Variants in EYS observed in about 807,000 individuals in gnomAD.
EYS encodes the protein EGF-like photoreceptor maintenance factor, also known as protein eyes shut homolog.
In EYS, 250 loss-of-function variants were observed where a neutral mutation model predicts 282.1. The ratio of observed to expected loss-of-function variants is 0.89; its 90% confidence interval spans 0.80 to 0.98. EYS has a LOEUF of 0.98. Among genes scored for constraint, EYS ranks in the 50% least tolerant of loss-of-function variants. The pLI, the probability that EYS is intolerant of heterozygous loss-of-function variation, is 0.00. For missense variants in EYS, 4,016 were observed against 3,709.0 expected, an observed-to-expected ratio of 1.08 and a Z score of -2.15; for synonymous variants, 1,355 against 1,282.9, an observed-to-expected ratio of 1.06 and a Z score of -1.20.
chr6:65,284,842 G>C (rs1252963122), intron 12 of EYS, among the ~76,000 whole-genome samples: 1 of 151,960 alleles, frequency 6.6e-6, no homozygotes, highest in Non-Finnish European at 1.5e-5. Context: ...GAAGCAATAA[G>C]CTTAGATCAT....
chr6:65,320,882 C>A (rs1769456357), intron 11 of EYS, among the ~76,000 whole-genome samples: 1 of 152,172 alleles, frequency 6.6e-6, no homozygotes, highest in Non-Finnish European at 1.5e-5. Context: ...GCCATGTTCA[C>A]CCTAAGTGAG....
At chr6:63,981,241 T>C (rs1767075709) in intron 35 of EYS, among the ~76,000 whole-genome samples, 1 of 151,714 alleles carries the variant, frequency 6.6e-6, no homozygotes, top group Admixed American at 6.6e-5. Flanking sequence ...GCTGTAGGGT[T>C]GGGTATTGGT....
intron 30 of EYS, among the ~76,000 whole-genome samples, chr6:64,271,774 C>T (rs1223886335): frequency 6.6e-6 from 1 of 151,910 alleles, no homozygotes; most frequent in Non-Finnish European, 1.5e-5. Context: ...GTATGTCCGT[C>T]TGTTGTTCCA....
intron 12 of EYS, among the ~76,000 whole-genome samples, chr6:65,109,862 A>G (rs1775161606): frequency 6.6e-6 from 1 of 152,090 alleles, no homozygotes; most frequent in South Asian, 2.1e-4. Flanking sequence ...TGCTTATTGT[A>G]TTATATACGT....
intron 8 of EYS, 45 bp from the exon 9 acceptor site, chr6:65,353,662 T>C (rs761420893): frequency 2.0e-6 from 3 of 1,511,452 alleles, no homozygotes; most frequent in Non-Finnish European, 2.7e-6. Flanking sequence ...TTTTTTGATA[T>C]ATTTTTCAAT....
chr6:65,050,487 A>G (rs899293869), intron 13 of EYS, among the ~76,000 whole-genome samples: 12 of 151,634 alleles, frequency 7.9e-5, no homozygotes, highest in Non-Finnish European at 1.2e-4. Flanking sequence ...CTCCTCCAAA[A>G]TAATACTCAT....
chr6:64,616,377 C>G (rs1767275888), intron 24 of EYS, among the ~76,000 whole-genome samples: 1 of 151,992 alleles, frequency 6.6e-6, no homozygotes. Context: ...TTTCCTAGGG[C>G]AAATCCAAAA....
chr6:64,861,548 A>G lies in EYS; in HGVS notation c.2992+25149T>C, dbSNP rs570592085. Among the ~76,000 whole-genome samples the G allele has an allele frequency of 7.9e-5, 12 of 152,268 alleles. No homozygotes were observed. The East Asian group carries it at 2.3e-3, about 29-fold the overall frequency. On this transcript the variant is annotated intron_variant, in intron 19 of 42. Coordinates refer to ENST00000503581, the MANE Select transcript of EYS (RefSeq NM_001142800.2). ...CAAGAGCTCAGGGATGCCTGGGTTA[A>G]CAGCCATGGCTGGACAGCCTCAGCT...
At chr6:65,585,762 T>C (rs1450932614) in intron 2 of EYS, among the ~76,000 whole-genome samples, 1 of 151,948 alleles carries the variant, frequency 6.6e-6, no homozygotes, top group Non-Finnish European at 1.5e-5. Context: ...AAAAGATTAA[T>C]AGAAGATTTT....
chr6:65,293,285 G>A (rs1338678345), intron 12 of EYS, among the ~76,000 whole-genome samples: 2 of 151,326 alleles, frequency 1.3e-5, no homozygotes, highest in African/African-American at 4.9e-5. Context: ...TCAATTTTGA[G>A]TTCATTACTA....
intron 36 of EYS, among the ~76,000 whole-genome samples, chr6:63,817,543 C>A (rs1013997298): frequency 1.3e-5 from 2 of 152,058 alleles, no homozygotes; most frequent in African/African-American, 2.4e-5. Context: ...TCTCTTCCCC[C>A]CAGTCTCCTG....
At position 65,181,706 on chromosome 6, in the gene EYS, G is replaced by A. The variant is rs569615031; in HGVS notation, c.2023+114157C>T. Among the ~76,000 whole-genome samples, 27 of 152,082 alleles carry A rather than the reference G, an allele frequency of 1.8e-4. 1 individual carries two copies. The highest frequency in any genetic ancestry group is 4.8e-4 in the African/African-American group (20 of 41,442). ...CATTTGACCCAGCCATCCCATTACT[G>A]GGTATATACCCAAAGGAATATAAAT... On this transcript the variant is annotated intron_variant, in intron 12 of 42. Transcript: ENST00000503581.
At chr6:64,340,723 C>T (rs957528907) in intron 29 of EYS, among the ~76,000 whole-genome samples, 1 of 151,596 alleles carries the variant, frequency 6.6e-6, no homozygotes, top group Non-Finnish European at 1.5e-5. Flanking sequence ...ATAAGTGAGG[C>T]CTAATTATAC....
At chr6:65,326,396 T>A (rs1296622004) in intron 11 of EYS, among the ~76,000 whole-genome samples, 1 of 151,414 alleles carries the variant, frequency 6.6e-6, no homozygotes, top group Non-Finnish European at 1.5e-5. Flanking sequence ...TAAATTCATA[T>A]AGATAAGTAC....
intron 15 of EYS, among the ~76,000 whole-genome samples, chr6:64,918,289 A>T (rs1432317727): frequency 6.6e-6 from 1 of 152,174 alleles, no homozygotes; most frequent in Non-Finnish European, 1.5e-5. Flanking sequence ...ATGTAAAAAC[A>T]TATGAGAAGA....
intron 2 of EYS, among the ~76,000 whole-genome samples, chr6:65,627,969 C>T (rs112357537): frequency 0.36 from 54,209 of 152,176 alleles, 12,037 homozygotes; most frequent in Non-Finnish European, 0.49. Flanking sequence ...CCTGCAGCCC[C>T]GGTGCGGGAT....
At chr6:64,292,918 A>G (rs1768767410) in intron 30 of EYS, among the ~76,000 whole-genome samples, 1 of 152,138 alleles carries the variant, frequency 6.6e-6, no homozygotes, top group African/African-American at 2.4e-5. Flanking sequence ...GAAACTATGA[A>G]GTCACATAGG....
rs1003082034 is a variant in EYS, at chr6:64,483,259, G to A, written c.5645-43907C>T. Among the ~76,000 whole-genome samples, 8 of 151,652 alleles carry A rather than the reference G, an allele frequency of 5.3e-5. 1 individual carries two copies. Among genetic ancestry groups the A allele is most frequent in the Admixed American group, 4.0e-4 (6 of 15,146 alleles). ...TTACTTACCAAAAAGTATGTGGAAC[G>A]TTCTATGAAATGAGGGTAAGACTTC... On this transcript the variant is annotated intron_variant, in intron 26 of 42. Transcript: ENST00000503581.
intron 12 of EYS, among the ~76,000 whole-genome samples, chr6:65,111,303 C>T (rs1775206110): frequency 6.6e-6 from 1 of 151,756 alleles, no homozygotes; most frequent in Admixed American, 6.6e-5. Flanking sequence ...ATTATTTCTC[C>T]CTTGTCTCTC....
Sources: gnomAD v4.1 joint callset for allele counts (sites outside exome capture counted in the v4.1 genomes callset) on GRCh38, gnomAD v4.1.1 for gene constraint, MANE v1.5 for transcripts, NCBI Gene and HGNC (gene_info 2026-07-23, HGNC 2026-07-21) for gene names.